PTPRD: variants seen among roughly 807,000 people sequenced by gnomAD.
PTPRD encodes the protein protein tyrosine phosphatase receptor type D.
Under a neutral mutation model 214.5 loss-of-function variants are expected in PTPRD, and 34 were observed. That is an observed-to-expected ratio of 0.16 (90% CI 0.12 to 0.21). PTPRD has a LOEUF of 0.21. Among genes scored for constraint, PTPRD ranks in the 10% least tolerant of loss-of-function variants. The probability of loss-of-function intolerance (pLI) is 1.00; values close to 1 mark genes in which losing one functional copy is unlikely to be tolerated. For synonymous variants in PTPRD, 1,128 were observed against 845.7 expected (o/e 1.33, Z -5.79); for missense variants, 2,545 against 2,398.7 (o/e 1.06, Z -1.27).
At chr9:10,056,025 G>T (rs1209949780) in intron 3 of PTPRD, among the ~76,000 whole-genome samples, 1 of 142,430 alleles carries the variant, frequency 7.0e-6, no homozygotes, top group Non-Finnish European at 1.5e-5. Flanking sequence ...TACTTCTTAA[G>T]AATATGTCAT....
At chr9:9,521,972 A>G (rs932943952) in intron 8 of PTPRD, among the ~76,000 whole-genome samples, 22 of 152,072 alleles carry the variant, frequency 1.4e-4, no homozygotes, top group African/African-American at 5.3e-4. Context: ...AGCCTGACCA[A>G]CGTGGAGAAA....
chr9:9,784,329 GA>G (rs1253000801), intron 5 of PTPRD, among the ~76,000 whole-genome samples: 6 of 151,734 alleles, frequency 4.0e-5, no homozygotes, highest in Non-Finnish European at 7.4e-5. Context: ...TGAATATTAA[GA>G]AAAAAATCTA....
chr9:8,528,518 TA>T, intron 15 of PTPRD, 72 bp downstream of exon 15: 1 of 1,281,632 alleles, frequency 7.8e-7, no homozygotes, highest in Non-Finnish European at 1.1e-6. Context: ...AAATTAAAAT[TA>T]AAAATAAGGA....
chr9:9,267,224 G>GT (rs1940322072), intron 9 of PTPRD, among the ~76,000 whole-genome samples: 1 of 151,046 alleles, frequency 6.6e-6, no homozygotes, highest in Non-Finnish European at 1.5e-5. Flanking sequence ...AATGAAAGAA[G>GT]AGACATTACA....
chr9:8,337,611 C>A (rs1322351884), intron 43 of PTPRD, among the ~76,000 whole-genome samples: 1 of 151,162 alleles, frequency 6.6e-6, no homozygotes, highest in African/African-American at 2.4e-5. Flanking sequence ...GGAGCACAGA[C>A]AAACAGCAAA....
intron 2 of PTPRD, among the ~76,000 whole-genome samples, chr9:10,360,626 T>C (rs751226375): frequency 5.3e-5 from 8 of 152,146 alleles, no homozygotes; most frequent in Non-Finnish European, 1.0e-4. Context: ...AGACCAGAAG[T>C]TTTCTAATAT....
intron 2 of PTPRD, among the ~76,000 whole-genome samples, chr9:10,555,015 T>A (rs532959948): frequency 6.6e-6 from 1 of 152,182 alleles, no homozygotes; most frequent in Non-Finnish European, 1.5e-5. Context: ...GTTAGAGTAG[T>A]GATTAAATTG....
At chr9:8,344,304 G>A (rs1855409576) in intron 39 of PTPRD, among the ~76,000 whole-genome samples, 1 of 151,986 alleles carries the variant, frequency 6.6e-6, no homozygotes, top group Non-Finnish European at 1.5e-5. Context: ...ATAATGGCAG[G>A]ACTATTTTCT....
At chr9:10,385,324 T>A (rs1420061196) in intron 2 of PTPRD, among the ~76,000 whole-genome samples, 1 of 151,832 alleles carries the variant, frequency 6.6e-6, no homozygotes, top group African/African-American at 2.4e-5. Context: ...CCTTAAGGAC[T>A]ATTAGAGTCT....
chr9:10,090,466 C>T (rs2098415637), intron 3 of PTPRD, among the ~76,000 whole-genome samples: 1 of 151,112 alleles, frequency 6.6e-6, no homozygotes, highest in African/African-American at 2.4e-5. Flanking sequence ...TTCTTTAAAA[C>T]CTCTGGGAAA....
intron 6 of PTPRD, among the ~76,000 whole-genome samples, chr9:9,760,452 AAT>A (rs2098642409): frequency 6.6e-6 from 1 of 152,068 alleles, no homozygotes; most frequent in Non-Finnish European, 1.5e-5. Flanking sequence ...GACCTGCTCC[AAT>A]ACCTTCTTAA....
intron 5 of PTPRD, among the ~76,000 whole-genome samples, chr9:9,903,580 A>G (rs1430506854): frequency 6.6e-6 from 1 of 152,158 alleles, no homozygotes; most frequent in African/African-American, 2.4e-5. Context: ...GAGACTGAGA[A>G]GCAGCTCTGT....
intron 3 of PTPRD, among the ~76,000 whole-genome samples, chr9:10,243,738 T>C (rs2091567141): frequency 1.3e-5 from 2 of 151,926 alleles, no homozygotes; most frequent in Admixed American, 1.3e-4. Context: ...AACCTCTAAT[T>C]ACTATCTTGC....
chr9:10,574,758 A>AAT (rs2068616506), intron 2 of PTPRD, among the ~76,000 whole-genome samples: 1 of 140,912 alleles, frequency 7.1e-6, no homozygotes, highest in African/African-American at 2.5e-5. Flanking sequence ...AAATGGTTCA[A>AAT]ATATATATGT....
intron 10 of PTPRD, among the ~76,000 whole-genome samples, chr9:9,089,931 T>C (rs182420126): frequency 6.6e-5 from 10 of 152,334 alleles, no homozygotes; most frequent in Admixed American, 5.2e-4. Flanking sequence ...TTCCAGTTTT[T>C]ATTTTTTATT....
chr9:9,293,062 C>T (rs62532861), intron 9 of PTPRD, among the ~76,000 whole-genome samples: 20,168 of 151,460 alleles, frequency 0.13, 1,672 homozygotes, highest in Middle Eastern at 0.2. Flanking sequence ...TCTATCCTCA[C>T]GTACACGTTG....
intron 3 of PTPRD, among the ~76,000 whole-genome samples, chr9:10,213,784 G>A (rs938518213): frequency 6.6e-6 from 1 of 151,902 alleles, no homozygotes; most frequent in Non-Finnish European, 1.5e-5. Context: ...AAAATACAAG[G>A]GTGTAACTTC....
rs865935921 is a variant in PTPRD, at chr9:9,947,363, T to G, written c.-471-8753A>C. Among the ~76,000 whole-genome samples, 30 of 43,030 alleles carry G rather than the reference T, an allele frequency of 7.0e-4. No homozygotes were observed. In the East Asian group the frequency reaches 0.022, roughly 31 times the overall value. The allele number at this position is 43,030 out of a possible 152,430, so 28.2% of individuals were successfully genotyped here. ...ATATATATAATATATATTATATATA[T>G]TATATATATATTATATATATTTTAT... On this transcript the variant is annotated intron_variant, in intron 4 of 45. Transcript: ENST00000381196.
intron 5 of PTPRD, among the ~76,000 whole-genome samples, chr9:9,769,943 T>C (rs1019860976): frequency 6.6e-6 from 1 of 152,124 alleles, no homozygotes; most frequent in Non-Finnish European, 1.5e-5. Context: ...ATGAACTCAT[T>C]CTTTTTATGG....
Sources: allele counts gnomAD v4.1 joint callset (sites outside exome capture counted in the v4.1 genomes callset), GRCh38; gene constraint gnomAD v4.1.1; transcripts MANE v1.5; gene names NCBI Gene and HGNC (gene_info 2026-07-23, HGNC 2026-07-21).